The following CCNF variants were observed in gnomAD, a reference collection of about 807,000 sequenced individuals.
CCNF encodes cyclin F.
CCNF carries 30 observed loss-of-function variants against 85.4 expected under a neutral mutation model. The ratio of observed to expected loss-of-function variants is 0.35; its 90% CI spans 0.26 to 0.48. The LOEUF (loss-of-function observed/expected upper bound fraction) is 0.48, where lower values mean the gene tolerates loss of function less well. Ranked by LOEUF, CCNF falls within the 20% of genes least tolerant of loss-of-function variation. The probability of loss-of-function intolerance (pLI) is 0.99; values close to 1 mark genes in which losing one functional copy is unlikely to be tolerated. For missense variants in CCNF, 919 were observed against 1,010.4 expected, an observed-to-expected ratio of 0.91 and a Z score of 1.23; for synonymous variants, 439 against 425.1, an observed-to-expected ratio of 1.03 and a Z score of -0.40.
At chr16:2,455,728 G>A (rs1417262064) in intron 16 of CCNF, among the ~76,000 whole-genome samples, 164 bp downstream of exon 16, 1 of 152,144 alleles carries the variant, frequency 6.6e-6, no homozygotes, top group Non-Finnish European at 1.5e-5. Context: ...GTCCAGACAT[G>A]GGGAGAGAGG....
At chr16:2,439,206 G>A (rs2065307936) in intron 6 of CCNF, 147 bp from the exon 7 acceptor site, 1 of 598,152 alleles carries the variant, frequency 1.7e-6, no homozygotes, top group Admixed American at 2.9e-5. Context: ...GCTGAGGCAG[G>A]AGAATTGGTT....
chr16:2,454,202 T>C (rs2065411678), intron 15 of CCNF, among the ~76,000 whole-genome samples: 1 of 152,208 alleles, frequency 6.6e-6, no homozygotes, highest in Non-Finnish European at 1.5e-5. Context: ...TCCAGAAGCG[T>C]TGTGTCGGGA....
intron 12 of CCNF, 122 bp from the exon 13 acceptor site, chr16:2,449,706 C>T: frequency 1.3e-6 from 1 of 767,314 alleles, no homozygotes; most frequent in South Asian, 1.5e-5. Context: ...AGAAACTCCA[C>T]AGCAGAGCCC....
rs1455545806 is a variant in CCNF, at chr16:2,439,706, C to T, written c.700-43C>T. On this transcript the variant is annotated intron_variant, in intron 7 of 16. Transcript: ENST00000397066. ...CTGGGTCTTGGTTCTGAGTTCCTCC[C>T]AAGACACAGTTGTACAAAGGCTCGG... The T allele has an allele frequency of 3.9e-5, 60 of 1,552,092 alleles. No homozygotes were observed. In the Admixed American group the frequency reaches 1.0e-3, roughly 26 times the overall value.
At position 2,451,126 on chromosome 16, in the gene CCNF, G is replaced by A. The variant is rs1567390097; in HGVS notation, c.1487+1211G>A. Among the ~76,000 whole-genome samples, 1 of 152,242 alleles carries A rather than the reference G, an allele frequency of 6.6e-6. No homozygotes were observed. Among genetic ancestry groups the A allele is most frequent in the Non-Finnish European group, 1.5e-5 (1 of 68,048 alleles). On this transcript the variant is annotated intron_variant, in intron 13 of 16. Coordinates refer to ENST00000397066, the MANE Select transcript of CCNF (RefSeq NM_001761.3). This position sits in a 1 kb window ranked among gnomAD's most constrained non-coding sequence, Gnocchi z 4.3. Reference sequence around the variant, plus strand: ...TTCAGCCCACGTTGGTTTGTTCCATGCAGTTCATGAAGTCCCTACCGTGGT... The same window carrying A: ...TTCAGCCCACGTTGGTTTGTTCCATACAGTTCATGAAGTCCCTACCGTGGT...
chr16:2,448,122 C>G (rs1268111650), intron 10 of CCNF, among the ~76,000 whole-genome samples: 1 of 152,272 alleles, frequency 6.6e-6, no homozygotes, highest in African/African-American at 2.4e-5. Flanking sequence ...TGCGGCCACA[C>G]AGTGCCGGGC....
intron 11 of CCNF, 94 bp from the exon 12 acceptor site, chr16:2,449,185 ACAT>A (rs759457752): frequency 1.7e-5 from 26 of 1,504,622 alleles, no homozygotes; most frequent in Non-Finnish European, 1.9e-5. Flanking sequence ...ATCGGCGTGA[ACAT>A]CATCCGGGCC....
intron 1 of CCNF, 180 bp from the exon 2 acceptor site, chr16:2,430,950 C>G: frequency 1.3e-6 from 1 of 770,630 alleles, no homozygotes; most frequent in East Asian, 2.4e-5. Flanking sequence ...TTGTGCAATG[C>G]CACTCCTTTA....
intron 4 of CCNF, chr16:2,436,558 A>T (rs2065292228): frequency 6.6e-6 from 1 of 152,126 alleles, no homozygotes; most frequent in African/African-American, 2.4e-5. Context: ...CAGAATTGTG[A>T]CTGACAGGGA....
intron 1 of CCNF, among the ~76,000 whole-genome samples, chr16:2,430,796 C>T (rs2065258423): frequency 6.6e-6 from 1 of 152,192 alleles, no homozygotes; most frequent in African/African-American, 2.4e-5. Flanking sequence ...GGAAAACCGT[C>T]CTCAGCTTCG....
rs780598425 is a variant in CCNF, at chr16:2,448,988, G to T, written c.1218+10G>T. The T allele has an allele frequency of 3.7e-6, 6 of 1,607,124 alleles. No individual in the cohort carries two copies. Among genetic ancestry groups the T allele is most frequent in the Non-Finnish European group, 5.1e-6 (6 of 1,174,208 alleles). ...GGAAGGGAAGATTCGAGTAAGCAGC[G>T]GTTCCATTTTCCTTATTAATCTTCG... On this transcript the variant is annotated intron_variant, in intron 11 of 16. Transcript: ENST00000397066.
rs1166413663 is a variant in CCNF, at chr16:2,448,239, C to T, written c.1095-616C>T. Among the ~76,000 whole-genome samples the T allele has an allele frequency of 3.9e-5, 6 of 152,352 alleles. No individual in the cohort carries two copies. The East Asian group carries it at 1.2e-3, about 29-fold the overall frequency. On this transcript the variant is annotated intron_variant, in intron 10 of 16. Transcript: ENST00000397066. The stretch of plus-strand genomic sequence containing the variant: ...TTCTACCCCACTGATAGAGCTGTCA[C>T]GTGACAGGCAAATCTCTGTCCTTGG...
chr16:2,446,954 C>G (rs1369907135), intron 10 of CCNF, among the ~76,000 whole-genome samples: 1 of 152,184 alleles, frequency 6.6e-6, no homozygotes, highest in East Asian at 1.9e-4. Context: ...CAGTGTCATT[C>G]CCATGGAAGG....
At chr16:2,445,359 C>T (rs528269678) in intron 9 of CCNF, 99 bp from the exon 10 acceptor site, 5 of 1,343,186 alleles carry the variant, frequency 3.7e-6, no homozygotes, top group Non-Finnish European at 4.2e-6. Flanking sequence ...CCAGAGCTAG[C>T]CAGCTTATTT....
chr16:2,431,343 T>G, intron 2 of CCNF, 59 bp downstream of exon 2: 1 of 1,562,818 alleles, frequency 6.4e-7, no homozygotes, highest in South Asian at 1.1e-5. Flanking sequence ...CCATCAGGCC[T>G]TGTGTTCTTA....
Position 2,449,475 on chromosome 16 carries a change from C to A in CCNF, c.1399+13C>A. The A allele has an allele frequency of 6.3e-7, 1 of 1,594,680 alleles. No homozygotes were observed. ...ACGCACGGGCAGAGTAAGGAGTGGC[C>A]CTTCCCAGGGATGCCTGTGTCGGGG... On this transcript the variant is annotated intron_variant, in intron 12 of 16. Coordinates refer to ENST00000397066, the MANE Select transcript of CCNF (RefSeq NM_001761.3).
chr16:2,430,487 A>C (rs1377459845), intron 1 of CCNF, among the ~76,000 whole-genome samples: 1 of 152,076 alleles, frequency 6.6e-6, no homozygotes, highest in Non-Finnish European at 1.5e-5. Flanking sequence ...ATCTGTACAC[A>C]AACCTACAGG....
At chr16:2,440,550 G>C (rs1484716529) in intron 8 of CCNF, among the ~76,000 whole-genome samples, 1 of 152,034 alleles carries the variant, frequency 6.6e-6, no homozygotes, top group African/African-American at 2.4e-5. Context: ...AGAGGTTGCA[G>C]TACCACTACA....
Position 2,443,782 on chromosome 16 carries a change from G to A in CCNF, c.911G>A (p.Gly304Glu), listed in dbSNP as rs548120156. 6 of 1,614,106 alleles carry A rather than the reference G, an allele frequency of 3.7e-6. No homozygotes were observed. The South Asian group carries it at 5.5e-5, about 15-fold the overall frequency. Residue 304 changes from glycine to glutamate, a missense_variant, in exon 9 of 17, where the codon GGA becomes GAA. By Grantham distance (98) the Gly-to-Glu change is moderately conservative. This residue lies in a region of CCNF where 410 missense variants were observed against 478.6 expected (regional missense o/e 0.86). Coordinates refer to ENST00000397066, the MANE Select transcript of CCNF (RefSeq NM_001761.3). The stretch of plus-strand genomic sequence containing the variant: ...CAACAAGTCTTCTCCGTGCAGAAGG[G>A]ACTCAATGACACAATGAGGTGAGGC... ...SKQQVFSVQK[G>E]LNDTMRYILI...
Sources: allele counts gnomAD v4.1 joint callset (sites outside exome capture counted in the v4.1 genomes callset), GRCh38; gene constraint gnomAD v4.1.1; regional missense constraint gnomAD v4.1.1; non-coding constraint Gnocchi (gnomAD v3.1); transcripts MANE v1.5; gene names NCBI Gene and HGNC (gene_info 2026-07-23, HGNC 2026-07-21).